Variants in OTUD7A observed in about 807,000 individuals in gnomAD.
OTUD7A encodes the protein OTU domain-containing protein 7A.
In OTUD7A, 12 loss-of-function variants were observed where a neutral mutation model predicts 65.7. That is an observed-to-expected ratio of 0.18 (90% CI 0.12 to 0.30). The LOEUF is 0.30. Among genes scored for constraint, OTUD7A ranks in the 10% least tolerant of loss-of-function variants. The probability of loss-of-function intolerance (pLI) is 1.00; values close to 1 mark genes in which losing one functional copy is unlikely to be tolerated. For synonymous variants in OTUD7A, 641 were observed against 586.3 expected, an observed-to-expected ratio of 1.09 and a Z score of -1.35; for missense variants, 1,148 against 1,304.8, an observed-to-expected ratio of 0.88 and a Z score of 1.85.
intron 1 of OTUD7A, among the ~76,000 whole-genome samples, chr15:31,671,840 T>G (rs2141296570): frequency 6.6e-6 from 1 of 152,282 alleles, no homozygotes; most frequent in South Asian, 2.1e-4. Flanking sequence ...GTCATGGGGG[T>G]TTGGTGTACA....
chr15:31,678,232 T>C (rs1892636463), intron 1 of OTUD7A, among the ~76,000 whole-genome samples: 1 of 152,132 alleles, frequency 6.6e-6, no homozygotes, highest in African/African-American at 2.4e-5. Context: ...AAAGATATGG[T>C]TTGGAATTGG....
At chr15:31,865,922 G>A (rs1897864813) in intron 1 of OTUD7A, among the ~76,000 whole-genome samples, 1 of 152,178 alleles carries the variant, frequency 6.6e-6, no homozygotes, top group Non-Finnish European at 1.5e-5. Context: ...TTACTCATGT[G>A]TATTCATTCA....
intron 1 of OTUD7A, among the ~76,000 whole-genome samples, chr15:31,857,442 C>T (rs1165484396): frequency 3.3e-5 from 5 of 152,100 alleles, no homozygotes; most frequent in Non-Finnish European, 7.4e-5. Flanking sequence ...CCTGGGCACT[C>T]GTAGTCCCCT....
intron 8 of OTUD7A, among the ~76,000 whole-genome samples, chr15:31,515,953 T>TCCAC (rs933253213): frequency 4.3e-5 from 6 of 140,656 alleles, no homozygotes; most frequent in Non-Finnish European, 7.8e-5. Flanking sequence ...CATCCATCCA[T>TCCAC]CCACCCACCC....
chr15:31,586,192 C>A lies in OTUD7A; in HGVS notation c.152-15995G>T, dbSNP rs1053975156. 3.9e-5 allele frequency among the ~76,000 whole-genome samples: 6 copies of A among 152,290 alleles called. 1 individual carries two copies. In the East Asian group the frequency reaches 1.2e-3, roughly 29 times the overall value. ...ATAGAATGACCAAAGAAGGGAAATGCAGGCAGAACATAAAGACTCTGCAGA... is the reference window on the plus strand; with the variant it reads ...ATAGAATGACCAAAGAAGGGAAATGAAGGCAGAACATAAAGACTCTGCAGA... On this transcript the variant is annotated intron_variant, in intron 3 of 12. Coordinates refer to ENST00000307050, the MANE Select transcript of OTUD7A (RefSeq NM_001382637.1).
At chr15:31,516,612 A>C (rs945789488) in intron 8 of OTUD7A, among the ~76,000 whole-genome samples, 1 of 152,116 alleles carries the variant, frequency 6.6e-6, no homozygotes, top group Non-Finnish European at 1.5e-5. Flanking sequence ...TAGAAGTAGA[A>C]CACCACACCC....
chr15:31,503,575 C>A (rs891471871), intron 9 of OTUD7A, 116 bp downstream of exon 9: 2 of 1,369,852 alleles, frequency 1.5e-6, no homozygotes, highest in African/African-American at 2.9e-5. Context: ...GATCTTTGCA[C>A]AGAGTGATGC....
intron 1 of OTUD7A, among the ~76,000 whole-genome samples, chr15:31,804,429 G>A (rs925564625): frequency 6.6e-6 from 1 of 152,116 alleles, no homozygotes; most frequent in South Asian, 2.1e-4. Context: ...GAAGTTCAGG[G>A]CTGGCTCCCT....
At chr15:31,816,704 G>A (rs1211445768) in intron 1 of OTUD7A, among the ~76,000 whole-genome samples, 90 of 151,986 alleles carry the variant, frequency 5.9e-4, no homozygotes, top group African/African-American at 2.1e-3. Context: ...AAAAAAATTA[G>A]AATCACATGT....
chr15:31,542,370 G>C (rs1026296207), intron 5 of OTUD7A, among the ~76,000 whole-genome samples: 1 of 151,962 alleles, frequency 6.6e-6, no homozygotes, highest in Non-Finnish European at 1.5e-5. Flanking sequence ...AACTTAAAAT[G>C]AAAGATATAA....
At chr15:31,511,187 AACACACATATGTATATCTATATGTAACAC>A (rs2041727230) in intron 8 of OTUD7A, among the ~76,000 whole-genome samples, 3 of 5,076 alleles carry the variant, frequency 5.9e-4, no homozygotes, top group Non-Finnish European at 9.0e-4. Context: ...ATCTATATGT[AACACACATATGTATATCTATATGTAACAC>A]ACATACATAT....
chr15:31,808,196 T>C (rs968880694), intron 1 of OTUD7A, among the ~76,000 whole-genome samples: 9 of 149,442 alleles, frequency 6.0e-5, no homozygotes, highest in African/African-American at 2.0e-4. Context: ...AACTCAAGAA[T>C]TGACACTCCA....
intron 2 of OTUD7A, 78 bp from the exon 3 acceptor site, chr15:31,655,328 G>C (rs867360519): frequency 1.5e-6 from 1 of 649,388 alleles, no homozygotes; most frequent in Admixed American, 3.3e-5. Flanking sequence ...GCAGAGACCT[G>C]AGCGAGAGAA....
rs899305805 is a variant in OTUD7A, at chr15:31,703,417, C to A, written c.-99-46340G>T. On this transcript the variant is annotated intron_variant, in intron 1 of 12. Coordinates refer to ENST00000307050, the MANE Select transcript of OTUD7A (RefSeq NM_001382637.1). ...ATCCATTAGAAAATTGGCAAAAAAA[C>A]CACAAAGAGACATTTCACTGAAGAG... Among the ~76,000 whole-genome samples, 74 of 151,710 alleles carry A rather than the reference C, an allele frequency of 4.9e-4. 1 individual carries two copies. The highest frequency in any genetic ancestry group is 6.9e-4 in the Non-Finnish European group (47 of 67,860).
chr15:31,758,329 T>A (rs1202645215), intron 1 of OTUD7A, among the ~76,000 whole-genome samples: 1 of 152,208 alleles, frequency 6.6e-6, no homozygotes, highest in Non-Finnish European at 1.5e-5. Flanking sequence ...GTCATCGCCC[T>A]CTGGGCACAC....
chr15:31,615,853 G>A (rs770034309), intron 3 of OTUD7A, among the ~76,000 whole-genome samples: 7 of 152,194 alleles, frequency 4.6e-5, no homozygotes, highest in Non-Finnish European at 1.0e-4. Flanking sequence ...CTTCAACCGC[G>A]GTCTGAGTCT....
chr15:31,658,104 C>A (rs1170477500), intron 1 of OTUD7A, among the ~76,000 whole-genome samples: 2 of 152,146 alleles, frequency 1.3e-5, no homozygotes, highest in African/African-American at 4.8e-5. Context: ...CTTTGTGTGA[C>A]CTTGGGCATG....
At chr15:31,648,981 G>A (rs1158495982) in intron 3 of OTUD7A, among the ~76,000 whole-genome samples, 2 of 152,080 alleles carry the variant, frequency 1.3e-5, no homozygotes, top group Admixed American at 1.3e-4. Flanking sequence ...GGCTGGTCTC[G>A]AACTCCTGAC....
chr15:31,639,562 A>G (rs1244169552), intron 3 of OTUD7A, among the ~76,000 whole-genome samples: 2 of 150,674 alleles, frequency 1.3e-5, no homozygotes, highest in Non-Finnish European at 2.9e-5. Flanking sequence ...TACACTAGGT[A>G]CATGTCTAAT....
Sources: allele counts gnomAD v4.1 joint callset (sites outside exome capture counted in the v4.1 genomes callset), GRCh38; gene constraint gnomAD v4.1.1; transcripts MANE v1.5; gene names NCBI Gene and HGNC (gene_info 2026-07-23, HGNC 2026-07-21).